The following POU1F1 variants were observed in gnomAD, a reference collection of about 807,000 sequenced individuals.
The protein encoded by POU1F1 is POU class 1 homeobox 1.
A neutral mutation model predicts 32.3 loss-of-function variants in POU1F1; 23 were observed. That is an observed-to-expected ratio of 0.71 (90% CI 0.51 to 1.01). POU1F1 has a LOEUF of 1.01. Among genes scored for constraint, POU1F1 ranks in the 50% least tolerant of loss-of-function variants. POU1F1 has a pLI of 0.00. For missense variants in POU1F1, 323 were observed against 341.6 expected, an observed-to-expected ratio of 0.95 and a Z score of 0.43; for synonymous variants, 120 against 115.6, an observed-to-expected ratio of 1.04 and a Z score of -0.25.
intron 5 of POU1F1, 49 bp from the exon 6 acceptor site, chr3:87,260,153 GT>G: frequency 6.8e-7 from 1 of 1,472,568 alleles, no homozygotes; most frequent in Non-Finnish European, 9.4e-7. Flanking sequence ...TTTTAGTGAA[GT>G]TTTTGGCAGC....
At chr3:87,273,294 AT>A in intron 2 of POU1F1, 52 bp downstream of exon 2, 1 of 1,534,808 alleles carries the variant, frequency 6.5e-7, no homozygotes, top group Non-Finnish European at 9.0e-7. Context: ...GGCCCAGAAA[AT>A]CCATCTAAGT....
At chr3:87,265,430 G>A (rs1370985100) in intron 2 of POU1F1, among the ~76,000 whole-genome samples, 1 of 152,008 alleles carries the variant, frequency 6.6e-6, no homozygotes, top group Non-Finnish European at 1.5e-5. Context: ...TTCATTGGAA[G>A]AGTCTATCTC....
intron 1 of POU1F1, among the ~76,000 whole-genome samples, chr3:87,274,290 T>C (rs1289968362): frequency 2.6e-5 from 4 of 152,158 alleles, no homozygotes; most frequent in Non-Finnish European, 5.9e-5. Flanking sequence ...TAAACACAAA[T>C]CATCAAGTTG....
intron 2 of POU1F1, among the ~76,000 whole-genome samples, chr3:87,270,265 TGTA>T (rs1411014898): frequency 6.6e-6 from 1 of 152,150 alleles, no homozygotes; most frequent in Non-Finnish European, 1.5e-5. Context: ...CCAGTAGAGT[TGTA>T]GTACCCACCA....
At chr3:87,263,696 C>G (rs1706554779) in intron 3 of POU1F1, among the ~76,000 whole-genome samples, 1 of 151,836 alleles carries the variant, frequency 6.6e-6, no homozygotes, top group Admixed American at 6.6e-5. Flanking sequence ...TTTTATCAGC[C>G]AAAGATCAGA....
chr3:87,275,604 C>G (rs1706811943), intron 1 of POU1F1, among the ~76,000 whole-genome samples: 1 of 152,008 alleles, frequency 6.6e-6, no homozygotes, highest in South Asian at 2.1e-4. Context: ...AACACACTGG[C>G]AAAACATATG....
intron 2 of POU1F1, among the ~76,000 whole-genome samples, chr3:87,268,109 A>C (rs1310892955): frequency 4.0e-4 from 45 of 113,534 alleles, no homozygotes; most frequent in African/African-American, 1.4e-3. Flanking sequence ...TTTTTTTGAC[A>C]CAGCGTCTCG....
rs370682988 is a variant in POU1F1, at chr3:87,276,346, G to A, written c.117C>T (p.Asn39=). The change falls in exon 1 of 6, where the codon AAC becomes AAT. Residue 39 remains asparagine (N), a synonymous_variant. Transcript: ENST00000350375. ...HSAAECLPVS[N]HATNVMSTAT... ...CTGTAGACATCACATTGGTGGCATG[G>A]TTGGAGACTGGTAGACACTCGGCAG... 4.1e-5 allele frequency: 66 copies of A among 1,613,988 alleles called. No homozygotes were observed. The African/African-American group carries it at 8.1e-4, about 20-fold the overall frequency.
At chr3:87,273,478 A>G (rs367977810) in intron 1 of POU1F1, 60 bp from the exon 2 acceptor site, 1 of 1,607,540 alleles carries the variant, frequency 6.2e-7, no homozygotes, top group Non-Finnish European at 8.5e-7. Flanking sequence ...AGTTTGGATC[A>G]AAGACAAAAT....
At chr3:87,272,282 A>G (rs1481220343) in intron 2 of POU1F1, among the ~76,000 whole-genome samples, 1 of 152,092 alleles carries the variant, frequency 6.6e-6, no homozygotes, top group Non-Finnish European at 1.5e-5. Context: ...TAAAGATAAA[A>G]TATCAAAGAA....
intron 2 of POU1F1, among the ~76,000 whole-genome samples, chr3:87,269,216 T>C (rs898479467): frequency 1.3e-5 from 2 of 152,222 alleles, no homozygotes; most frequent in African/African-American, 4.8e-5. Context: ...CGTGTACAAC[T>C]GGGGCCTATT....
rs1050477318 is a variant in POU1F1, at chr3:87,259,836, G to T, written c.*58C>A. ...AGTCAACCAAGTAATTTCTGTTTTT[G>T]TTGAGGAAGAGAAAGGAATGAAACG... On this transcript the variant is annotated 3_prime_UTR_variant, in exon 6 of 6. Transcript: ENST00000350375. The T allele has an allele frequency of 2.8e-6, 4 of 1,431,418 alleles. No homozygotes were observed. The highest frequency in any genetic ancestry group is 3.9e-6 in the Non-Finnish European group (4 of 1,020,198). 88.7% of individuals were successfully genotyped at this position (1,431,418 alleles called of 1,614,324 possible).
intron 2 of POU1F1, among the ~76,000 whole-genome samples, chr3:87,271,142 C>G (rs989481685): frequency 2.0e-5 from 3 of 152,086 alleles, no homozygotes; most frequent in African/African-American, 7.2e-5. Flanking sequence ...TTTTGAAAGG[C>G]TCTTCCAGGG....
chr3:87,270,034 T>C (rs920081222), intron 2 of POU1F1, among the ~76,000 whole-genome samples: 4 of 151,470 alleles, frequency 2.6e-5, no homozygotes, highest in African/African-American at 9.7e-5. Context: ...TTTTGAGAAC[T>C]TTTTTTTTGA....
At chr3:87,263,130 G>T (rs1454350234) in intron 3 of POU1F1, among the ~76,000 whole-genome samples, 3 of 151,914 alleles carry the variant, frequency 2.0e-5, no homozygotes, top group Non-Finnish European at 4.4e-5. Flanking sequence ...ACAATTTTAT[G>T]CAATTTAACC....
chr3:87,262,040 C>T, intron 4 of POU1F1, 31 bp downstream of exon 4: 1 of 1,613,188 alleles, frequency 6.2e-7, no homozygotes, highest in Non-Finnish European at 8.5e-7. Flanking sequence ...GGTTAAAACA[C>T]AGCACAGCCT....
In POU1F1 at chr3:87,264,155, C is replaced by T. The variant is rs375714544; in HGVS notation, c.439+133G>A. 665 of 726,044 alleles carry T rather than the reference C, an allele frequency of 9.2e-4. 13 individuals are homozygous for T. The South Asian group carries it at 0.011, about 12-fold the overall frequency. The allele number at this position is 726,044 out of a possible 1,614,324, so 45.0% of individuals were successfully genotyped here. A position where few individuals can be genotyped will look rare whatever the true frequency, so the allele number is the denominator to read the frequency against. On this transcript the variant is annotated intron_variant, in intron 3 of 5. Coordinates refer to ENST00000350375, the MANE Select transcript of POU1F1 (RefSeq NM_000306.4). ...AAATGTTTTTGGAGGATTTCCATAA[C>T]GACTAACTACGTCCACAGTAGAGAT... is the stretch of plus-strand genomic sequence containing the variant.
At chr3:87,270,695 T>C (rs965519506) in intron 2 of POU1F1, among the ~76,000 whole-genome samples, 1 of 152,182 alleles carries the variant, frequency 6.6e-6, no homozygotes, top group Non-Finnish European at 1.5e-5. Flanking sequence ...CTGATTTGAT[T>C]AATGACTTAA....
chr3:87,270,858 G>A (rs954227466), intron 2 of POU1F1, among the ~76,000 whole-genome samples: 5 of 152,074 alleles, frequency 3.3e-5, no homozygotes, highest in African/African-American at 9.7e-5. Context: ...GGAGAGTTCA[G>A]ATTCTCTAAG....
Sources: allele counts gnomAD v4.1 joint callset (sites outside exome capture counted in the v4.1 genomes callset), GRCh38; gene constraint gnomAD v4.1.1; transcripts MANE v1.5; gene names NCBI Gene and HGNC (gene_info 2026-07-23, HGNC 2026-07-21).